ZNF131: variants seen among roughly 807,000 people sequenced by gnomAD.
The protein encoded by ZNF131 is zinc finger and BTB domain containing 35, also known as zinc finger protein 131.
A neutral mutation model predicts 60.0 loss-of-function variants in ZNF131; 7 were observed. The ratio of observed to expected loss-of-function variants is 0.12; its 90% confidence interval spans 0.07 to 0.22. The LOEUF (loss-of-function observed/expected upper bound fraction) is 0.22, where lower values mean the gene tolerates loss of function less well. Among genes scored for constraint, ZNF131 ranks in the 10% least tolerant of loss-of-function variants. ZNF131 has a pLI of 1.00. For missense variants in ZNF131, 493 were observed against 740.9 expected (o/e 0.67, Z 3.88); for synonymous variants, 257 against 253.2 (o/e 1.01, Z -0.14).
At chr5:43,152,048 C>T (rs559523813) in intron 4 of ZNF131, among the ~76,000 whole-genome samples, 5 of 152,116 alleles carry the variant, frequency 3.3e-5, no homozygotes, top group Non-Finnish European at 7.3e-5. Context: ...CTCTGTCGCC[C>T]AGGCTGGAGT....
chr5:43,121,613 G>T (rs1469204241), intron 1 of ZNF131: 1 of 154,376 alleles, frequency 6.5e-6, no homozygotes, highest in African/African-American at 2.4e-5. Flanking sequence ...GGGAGGGCGG[G>T]GGAGGGAGAG....
At chr5:43,148,143 G>T (rs1483308518) in intron 4 of ZNF131, among the ~76,000 whole-genome samples, 1 of 150,786 alleles carries the variant, frequency 6.6e-6, no homozygotes, top group Non-Finnish European at 1.5e-5. Flanking sequence ...AGGCTAAGGC[G>T]GGAGCATACC....
intron 5 of ZNF131, among the ~76,000 whole-genome samples, chr5:43,170,271 A>G (rs1750818274): frequency 6.6e-6 from 1 of 152,218 alleles, no homozygotes; most frequent in African/African-American, 2.4e-5. Context: ...TTAACTTTTC[A>G]TCACATAAAA....
chr5:43,163,449 G>T (rs1189333893), intron 5 of ZNF131, among the ~76,000 whole-genome samples: 1 of 152,216 alleles, frequency 6.6e-6, no homozygotes, highest in Non-Finnish European at 1.5e-5. Context: ...AGCCATGCAG[G>T]CATGATGGAA....
At position 43,159,357 on chromosome 5, in the gene ZNF131, A is replaced by G. The variant is rs1359611453; in HGVS notation, c.372-1892A>G. 4.6e-5 allele frequency among the ~76,000 whole-genome samples: 7 copies of G among 152,212 alleles called. No individual in the cohort carries two copies. The South Asian group carries it at 1.5e-3, about 32-fold the overall frequency. ...TGTCTCCCAACAGGTGTCGTCTTTT[A>G]CTGAGTTTACTGAGTTGTGAGAATC... On this transcript the variant is annotated intron_variant, in intron 4 of 6. Coordinates refer to ENST00000682664, the MANE Select transcript of ZNF131 (RefSeq NM_001330707.2).
At chr5:43,125,367 C>G (rs1029279729) in intron 3 of ZNF131, among the ~76,000 whole-genome samples, 1 of 151,432 alleles carries the variant, frequency 6.6e-6, no homozygotes, top group Non-Finnish European at 1.5e-5. Flanking sequence ...ATGGCGTGAT[C>G]AGGCTGGTCT....
rs377446956 is a variant in ZNF131, at chr5:43,133,308, AC to A, written c.227-5856del. Among the ~76,000 whole-genome samples the A allele has an allele frequency of 3.4e-3, 520 of 152,254 alleles. 5 individuals carry two copies. Among genetic ancestry groups the A allele is most frequent in the African/African-American group, 0.012 (500 of 41,544 alleles). Reference sequence around the variant, plus strand: ...GTGAAACCCCATCTCTACTAAAAATACAAAAAATTAGCCAGGCGTGGTGGTG... The same window carrying A: ...GTGAAACCCCATCTCTACTAAAAATAAAAAAATTAGCCAGGCGTGGTGGTG... On this transcript the variant is annotated intron_variant, in intron 3 of 6. Coordinates refer to ENST00000682664, the MANE Select transcript of ZNF131 (RefSeq NM_001330707.2).
Position 43,161,636 on chromosome 5 carries a change from G to C in ZNF131, c.759G>C (p.Gln253His), listed in dbSNP as rs759501809. 2.5e-6 allele frequency: 4 copies of C among 1,614,098 alleles called. No homozygotes were observed. The highest frequency in any genetic ancestry group is 1.7e-5 in the Admixed American group (1 of 60,006). ...AAGGTATTGAAATTGTGGAACTTCA[G>C]CTGTCACATGTGAAGGACTTGTTCC... is the stretch of plus-strand genomic sequence containing the variant. ...QVEGIEIVELQLSHVKDLFHC... is the reference protein window; with the variant it reads ...QVEGIEIVELHLSHVKDLFHC... The change falls in exon 5 of 7, where the codon CAG becomes CAC. Residue 253 changes from glutamine to histidine, a missense_variant. Physicochemically the swap from Gln to His is conservative, Grantham distance 24. Coordinates refer to ENST00000682664, the MANE Select transcript of ZNF131 (RefSeq NM_001330707.2).
chr5:43,132,562 T>C (rs1184020567), intron 3 of ZNF131, among the ~76,000 whole-genome samples: 1 of 148,900 alleles, frequency 6.7e-6, no homozygotes, highest in African/African-American at 2.5e-5. Context: ...CCAGCCTAGA[T>C]TGCAGTGGCA....
At chr5:43,170,121 G>A (rs1750800915) in intron 5 of ZNF131, among the ~76,000 whole-genome samples, 1 of 152,078 alleles carries the variant, frequency 6.6e-6, no homozygotes, top group Non-Finnish European at 1.5e-5. Flanking sequence ...TTGCCAATTT[G>A]TTTCCAGGTC....
At chr5:43,172,054 G>A (rs1210869719) in intron 5 of ZNF131, among the ~76,000 whole-genome samples, 2 of 152,238 alleles carry the variant, frequency 1.3e-5, no homozygotes, top group African/African-American at 4.8e-5. Context: ...GGCCTTGTAG[G>A]CCTTCTTAAA....
At chr5:43,169,407 A>C (rs1750714472) in intron 5 of ZNF131, among the ~76,000 whole-genome samples, 1 of 152,228 alleles carries the variant, frequency 6.6e-6, no homozygotes, top group Admixed American at 6.5e-5. Context: ...ACTCAGGTAG[A>C]TCTCTTGAAG....
chr5:43,148,360 C>T (rs1747887829), intron 4 of ZNF131, among the ~76,000 whole-genome samples: 1 of 152,158 alleles, frequency 6.6e-6, no homozygotes, highest in African/African-American at 2.4e-5. Flanking sequence ...GCCTGTGCAA[C>T]AGAACGAGAC....
intron 4 of ZNF131, among the ~76,000 whole-genome samples, chr5:43,148,767 G>A (rs1187883021): frequency 6.6e-6 from 1 of 152,162 alleles, no homozygotes; most frequent in Non-Finnish European, 1.5e-5. Flanking sequence ...TATAATATAA[G>A]CTGCACATAT....
At chr5:43,142,515 A>T (rs984388148) in intron 4 of ZNF131, among the ~76,000 whole-genome samples, 2 of 151,842 alleles carry the variant, frequency 1.3e-5, no homozygotes, top group Non-Finnish European at 2.9e-5. Flanking sequence ...CGTCTTGGCC[A>T]GGCTGGTCTT....
chr5:43,142,424 C>T (rs1256891266), intron 4 of ZNF131, among the ~76,000 whole-genome samples: 4 of 150,218 alleles, frequency 2.7e-5, no homozygotes, highest in Non-Finnish European at 5.9e-5. Context: ...CTGCCTCAGC[C>T]TCCCGAGTAG....
At chr5:43,121,740 C>G in intron 1 of ZNF131, 1 of 195,374 alleles carries the variant, frequency 5.1e-6, no homozygotes, top group Non-Finnish European at 1.1e-5. Flanking sequence ...GTCGAGTCCC[C>G]TCCCTTGTTG....
At chr5:43,168,086 C>T (rs1309021000) in intron 5 of ZNF131, 1 of 385,332 alleles carries the variant, frequency 2.6e-6, no homozygotes, top group Non-Finnish European at 5.2e-6. Flanking sequence ...TAAAGCCACC[C>T]ATCCCATTCC....
At chr5:43,132,502 A>ATTT (rs1306400409) in intron 3 of ZNF131, among the ~76,000 whole-genome samples, 1 of 125,636 alleles carries the variant, frequency 8.0e-6, no homozygotes, top group African/African-American at 3.1e-5. Context: ...CCTGAATGGT[A>ATTT]TTCTTTTTTT....
Sources: allele counts gnomAD v4.1 joint callset (sites outside exome capture counted in the v4.1 genomes callset), GRCh38; gene constraint gnomAD v4.1.1; transcripts MANE v1.5; gene names NCBI Gene and HGNC (gene_info 2026-07-23, HGNC 2026-07-21).